The following LAMA2 variants were observed in gnomAD, a reference collection of about 807,000 sequenced individuals.
The protein encoded by LAMA2 is laminin subunit alpha-2.
A neutral mutation model predicts 364.8 loss-of-function variants in LAMA2; 269 were observed. The observed-to-expected ratio is 0.74, with a 90% confidence interval of 0.67 to 0.82. LAMA2 has a LOEUF of 0.82. LAMA2 is among the 40% of genes least tolerant of loss of function. LAMA2 has a pLI of 0.00. For synonymous variants in LAMA2, 1,379 were observed against 1,370.6 expected (o/e 1.01, Z -0.14); for missense variants, 3,807 against 3,873.2 (o/e 0.98, Z 0.45).
chr6:129,430,257 C>T (rs768128617), intron 41 of LAMA2, among the ~76,000 whole-genome samples: 1 of 152,142 alleles, frequency 6.6e-6, no homozygotes, highest in Non-Finnish European at 1.5e-5. Flanking sequence ...ATTTCTCTCT[C>T]TATGGTGCCT....
chr6:129,274,418 GAA>G (rs200189166), intron 17 of LAMA2, among the ~76,000 whole-genome samples: 2 of 142,640 alleles, frequency 1.4e-5, no homozygotes. Flanking sequence ...GTTATTCAGA[GAA>G]AAAAAAAAAG....
Position 129,473,232 on chromosome 6 carries a change from A to G in LAMA2, c.7319A>G (p.Asp2440Gly). The change falls in exon 52 of 65, where the codon GAT becomes GGT. Residue 2440 changes from aspartate (D) to glycine (G), a missense_variant. Physicochemically the swap from Asp to Gly is moderately conservative, Grantham distance 94 (BLOSUM62 -1). Around this residue, in one of 3 missense-constraint regions of LAMA2, gnomAD observed 3,333 missense variants for 3,345.7 expected, o/e 1.00. Coordinates refer to ENST00000421865, the MANE Select transcript of LAMA2 (RefSeq NM_000426.4). ...IQKQANISIV[D>G]IDTNQEENIA... ...TTTACAGCCAATATATCAATTGTAGATATAGATACTAATCAGGAGGAGAAT... is the reference window on the plus strand; with the variant it reads ...TTTACAGCCAATATATCAATTGTAGGTATAGATACTAATCAGGAGGAGAAT... 6.2e-7 allele frequency: 1 copy of G among 1,600,518 alleles called. No homozygotes were observed. The highest frequency in any genetic ancestry group is 8.6e-7 in the Non-Finnish European group (1 of 1,168,338).
In LAMA2 at chr6:128,962,185, T is replaced by TATATATACACACAC. The variant is rs1214826895; in HGVS notation, c.112+78829_112+78830insTATATACACACACA. On this transcript the variant is annotated intron_variant, in intron 1 of 64. Transcript: ENST00000421865. ...ATATATATATATATATATATATATA[T>TATATATACACACAC]ACACACATACACACACACATACACA... Among the ~76,000 whole-genome samples the TATATATACACACAC allele has an allele frequency of 2.8e-4, 29 of 103,928 alleles. 1 individual carries two copies. Among genetic ancestry groups the TATATATACACACAC allele is most frequent in the African/African-American group, 1.0e-3 (28 of 26,970 alleles). The allele number at this position is 103,928 out of a possible 152,430, so 68.2% of individuals were successfully genotyped here.
At chr6:129,146,268 C>T (rs767476980) in intron 5 of LAMA2, among the ~76,000 whole-genome samples, 3 of 151,738 alleles carry the variant, frequency 2.0e-5, no homozygotes, top group Non-Finnish European at 4.4e-5. Flanking sequence ...GTTATATACA[C>T]ATTAATTAAA....
chr6:129,247,636 C>T (rs1785850621), intron 12 of LAMA2, among the ~76,000 whole-genome samples: 1 of 152,070 alleles, frequency 6.6e-6, no homozygotes, highest in African/African-American at 2.4e-5. Context: ...TTAAATGGTC[C>T]GTGTTTCACA....
At chr6:129,417,901 C>T (rs369180980) in intron 40 of LAMA2, among the ~76,000 whole-genome samples, 21 of 152,288 alleles carry the variant, frequency 1.4e-4, no homozygotes, top group South Asian at 1.0e-3. Context: ...GAAGAAGGAG[C>T]GGGCACTTCT....
At chr6:128,889,839 T>G (rs894672955) in intron 1 of LAMA2, among the ~76,000 whole-genome samples, 11 of 152,208 alleles carry the variant, frequency 7.2e-5, no homozygotes, top group Admixed American at 2.6e-4. Context: ...TAAGTAATCT[T>G]GAGTGTGGAT....
chr6:129,289,774 A>G (rs1019025005), intron 19 of LAMA2, among the ~76,000 whole-genome samples: 7 of 152,170 alleles, frequency 4.6e-5, no homozygotes, highest in African/African-American at 9.7e-5. Context: ...GAATGTGAGA[A>G]TAAAAACATT....
chr6:129,256,766 ATATAT>A (rs1562385469), intron 14 of LAMA2, among the ~76,000 whole-genome samples: 1,169 of 92,210 alleles, frequency 0.013, 40 homozygotes, highest in African/African-American at 0.041. Flanking sequence ...TATATAGCAT[ATATAT>A]ATATATATAT....
chr6:129,036,130 T>C (rs1294264243), intron 1 of LAMA2, among the ~76,000 whole-genome samples: 1 of 152,178 alleles, frequency 6.6e-6, no homozygotes, highest in Admixed American at 6.5e-5. Flanking sequence ...GGAATGTTTT[T>C]CCATTTGTCC....
intron 21 of LAMA2, among the ~76,000 whole-genome samples, chr6:129,299,249 GGACCTTGACT>G (rs1417903459): frequency 5.9e-5 from 9 of 151,868 alleles, no homozygotes; most frequent in African/African-American, 1.9e-4. Context: ...ACTAGTTCTG[GGACCTTGACT>G]GAGTAATTTT....
At chr6:128,965,016 G>A (rs1199164080) in intron 1 of LAMA2, among the ~76,000 whole-genome samples, 1 of 151,954 alleles carries the variant, frequency 6.6e-6, no homozygotes, top group Non-Finnish European at 1.5e-5. Context: ...GAGTCTGTAA[G>A]AGGAGTCCCC....
chr6:129,007,466 A>T (rs1172611083), intron 1 of LAMA2, among the ~76,000 whole-genome samples: 1 of 152,164 alleles, frequency 6.6e-6, no homozygotes, highest in Non-Finnish European at 1.5e-5. Flanking sequence ...TCATCTTCCC[A>T]TATTAAATTG....
intron 56 of LAMA2, among the ~76,000 whole-genome samples, chr6:129,487,488 A>G (rs1784650859): frequency 1.3e-5 from 2 of 152,182 alleles, no homozygotes; most frequent in African/African-American, 4.8e-5. Flanking sequence ...GAAGACATAG[A>G]AAAGAACTGG....
At chr6:129,049,800 T>C (rs1024680406) in intron 1 of LAMA2, 118 bp from the exon 2 acceptor site, 2 of 802,292 alleles carry the variant, frequency 2.5e-6, no homozygotes, top group African/African-American at 3.4e-5. Flanking sequence ...TCATTAATTA[T>C]CTCATGTTGG....
chr6:129,444,397 G>A (rs1031296621), intron 44 of LAMA2, among the ~76,000 whole-genome samples: 5 of 152,096 alleles, frequency 3.3e-5, no homozygotes, highest in Admixed American at 2.0e-4. Context: ...TAAAGGAAGG[G>A]AAAAATGAAC....
intron 62 of LAMA2, among the ~76,000 whole-genome samples, chr6:129,508,421 T>A (rs1007944537): frequency 1.5e-4 from 14 of 92,538 alleles, no homozygotes; most frequent in Admixed American, 4.7e-4. Context: ...TACAATTATT[T>A]TTTTTTTTTT....
intron 41 of LAMA2, among the ~76,000 whole-genome samples, chr6:129,432,638 G>A: frequency 6.6e-6 from 1 of 152,038 alleles, no homozygotes; most frequent in East Asian, 1.9e-4. Flanking sequence ...GGGATGGTGG[G>A]GCCTGTGTTA....
At chr6:129,139,590 C>A (rs1157767512) in intron 4 of LAMA2, among the ~76,000 whole-genome samples, 2 of 152,040 alleles carry the variant, frequency 1.3e-5, no homozygotes, top group African/African-American at 4.8e-5. Flanking sequence ...GTCCTGGAAC[C>A]AATCCCCACA....
Sources: allele counts gnomAD v4.1 joint callset (sites outside exome capture counted in the v4.1 genomes callset), GRCh38; gene constraint gnomAD v4.1.1; regional missense constraint gnomAD v4.1.1; transcripts MANE v1.5; gene names NCBI Gene and HGNC (gene_info 2026-07-23, HGNC 2026-07-21).